Variants in ADD3 observed in about 807,000 individuals in gnomAD.
ADD3 encodes adducin 3.
In ADD3, 25 loss-of-function variants were observed where a neutral mutation model predicts 80.2. That is an observed-to-expected ratio of 0.31 (90% CI 0.23 to 0.44). The LOEUF (loss-of-function observed/expected upper bound fraction) is 0.44. ADD3 is among the 20% of genes least tolerant of loss of function. The probability of loss-of-function intolerance (pLI) is 1.00; values close to 1 mark genes in which losing one functional copy is unlikely to be tolerated. For missense variants in ADD3, 829 were observed against 847.5 expected, an observed-to-expected ratio of 0.98 and a Z score of 0.27; for synonymous variants, 284 against 289.6, an observed-to-expected ratio of 0.98 and a Z score of 0.20.
intron 1 of ADD3, among the ~76,000 whole-genome samples, chr10:110,032,207 G>C (rs1005040467): frequency 2.0e-5 from 3 of 152,208 alleles, no homozygotes; most frequent in Non-Finnish European, 4.4e-5. Context: ...AGCTGGATAA[G>C]TGTTATGTAA....
At chr10:110,100,929 C>T (rs1848744413) in intron 2 of ADD3, 81 bp downstream of exon 2, 22 of 1,329,216 alleles carry the variant, frequency 1.7e-5, no homozygotes, top group Non-Finnish European at 2.0e-5. Flanking sequence ...CTCAAACTAC[C>T]CTCAGGTTAA....
chr10:110,005,516 T>C (rs1851589742), upstream of ADD3, among the ~76,000 whole-genome samples: 1 of 152,244 alleles, frequency 6.6e-6, no homozygotes, highest in Non-Finnish European at 1.5e-5. Context: ...ATTTTTCTTT[T>C]TATTCTTATA....
Position 110,135,273 on chromosome 10 carries a change from A to G in ADD3, c.*1655A>G, listed in dbSNP as rs1590287411. 1 of 152,638 alleles carries G rather than the reference A, an allele frequency of 6.6e-6. No homozygotes were observed. The highest frequency in any genetic ancestry group is 2.4e-5 in the African/African-American group (1 of 41,442). The allele number at this position is 152,638 out of a possible 1,614,324, so 9.5% of individuals were successfully genotyped here. A position where few individuals can be genotyped will look rare whatever the true frequency, so the allele number is the denominator to read the frequency against. On this transcript the variant is annotated 3_prime_UTR_variant, in exon 15 of 15. Transcript: ENST00000356080. The stretch of plus-strand genomic sequence containing the variant: ...TTGGAAGATTTTTTTAATGTTCTAC[A>G]TCATTTATGTTGTATTACAATGTAT...
rs199567119 is a variant in ADD3, at chr10:110,117,411, G to A, written c.556G>A (p.Ala186Thr). ...PRGLSFSEAT[A>T]SNLVKVNIIG... ...AGGCCTATCTTTTTCTGAAGCTACA[G>A]CCTCCAATTTGGTATAATTTTCCAT... is the stretch of plus-strand genomic sequence containing the variant. The change falls in exon 5 of 15, where the codon GCC (alanine) becomes ACC (threonine). Residue 186 changes from alanine to threonine, a missense_variant. Coordinates refer to ENST00000356080, the MANE Select transcript of ADD3 (RefSeq NM_016824.5). 4 of 1,597,160 alleles carry A rather than the reference G, an allele frequency of 2.5e-6. No homozygotes were observed. Among genetic ancestry groups the A allele is most frequent in the Non-Finnish European group, 3.4e-6 (4 of 1,164,982 alleles).
At chr10:110,054,566 G>T (rs938164856) in intron 1 of ADD3, among the ~76,000 whole-genome samples, 4 of 150,484 alleles carry the variant, frequency 2.7e-5, no homozygotes, top group Non-Finnish European at 4.4e-5. Flanking sequence ...CTCAGCCTGC[G>T]GAGTAGCTGG....
intron 2 of ADD3, among the ~76,000 whole-genome samples, chr10:110,111,853 C>T (rs189137704): frequency 5.3e-4 from 80 of 151,522 alleles, no homozygotes; most frequent in Middle Eastern, 3.4e-3. Flanking sequence ...GCGGAGGTTG[C>T]GGTGAGTTGA....
chr10:110,014,708 G>A (rs898594287), intron 1 of ADD3, among the ~76,000 whole-genome samples: 2 of 151,522 alleles, frequency 1.3e-5, no homozygotes, highest in African/African-American at 2.4e-5. Context: ...TGTATTTTTA[G>A]TAGAGATGGG....
intron 10 of ADD3, 124 bp from the exon 11 acceptor site, chr10:110,125,702 T>TA (rs1399732858): frequency 1.7e-5 from 10 of 598,246 alleles, no homozygotes; most frequent in Non-Finnish European, 2.4e-5. Flanking sequence ...ACCACTAAGA[T>TA]ACTGCTTAGT....
intron 1 of ADD3, among the ~76,000 whole-genome samples, chr10:110,063,047 C>T (rs1482492700): frequency 5.9e-5 from 9 of 152,144 alleles, no homozygotes; most frequent in Admixed American, 3.9e-4. Context: ...TGGTTACATG[C>T]AGGTTTTTGT....
At chr10:110,036,373 G>GTT (rs1200050615) in intron 1 of ADD3, among the ~76,000 whole-genome samples, 2 of 130,984 alleles carry the variant, frequency 1.5e-5, no homozygotes, top group African/African-American at 6.3e-5. Flanking sequence ...TTTAGAAAGT[G>GTT]TCTTTTTTTT....
chr10:110,058,108 ATT>A (rs34287994), intron 1 of ADD3, among the ~76,000 whole-genome samples: 250 of 144,156 alleles, frequency 1.7e-3, no homozygotes, highest in Middle Eastern at 3.5e-3. Context: ...TCTCCTGAAG[ATT>A]TTTTTTTTTT....
chr10:110,101,951 C>A (rs896843888), intron 2 of ADD3, among the ~76,000 whole-genome samples: 6 of 152,036 alleles, frequency 3.9e-5, no homozygotes, highest in Non-Finnish European at 8.8e-5. Context: ...CTGAAGTAGC[C>A]CTGGTAAATC....
intron 2 of ADD3, chr10:110,112,122 C>CT (rs1397108989): frequency 6.6e-6 from 1 of 151,848 alleles, no homozygotes; most frequent in Non-Finnish European, 1.5e-5. Flanking sequence ...CATGGGAACT[C>CT]TGTCTTTTTT....
chr10:110,075,623 A>G (rs1489361855), intron 1 of ADD3: 3 of 152,236 alleles, frequency 2.0e-5, no homozygotes, highest in Non-Finnish European at 4.4e-5. Flanking sequence ...TGCAGCTGTG[A>G]AAGTGAAGTT....
intron 1 of ADD3, among the ~76,000 whole-genome samples, chr10:110,011,132 C>T (rs1852289358): frequency 6.7e-6 from 1 of 149,826 alleles, no homozygotes; most frequent in Admixed American, 6.6e-5. Context: ...CCCCAGGTGG[C>T]CCAGAGGGCA....
At chr10:110,003,797 G>A (rs1003970856), upstream of ADD3, among the ~76,000 whole-genome samples, 5 of 152,290 alleles carry the variant, frequency 3.3e-5, no homozygotes, top group South Asian at 4.1e-4. Context: ...AATCAGGCAC[G>A]TCTAAAGAGC....
At chr10:110,014,157 C>A (rs928123557) in intron 1 of ADD3, among the ~76,000 whole-genome samples, 1 of 152,174 alleles carries the variant, frequency 6.6e-6, no homozygotes, top group Admixed American at 6.5e-5. Flanking sequence ...GAAGTCAAGG[C>A]CTCCCCAGGG....
intron 11 of ADD3, 118 bp downstream of exon 11, chr10:110,126,063 T>C (rs1852103791): frequency 2.8e-6 from 3 of 1,060,682 alleles, no homozygotes; most frequent in Non-Finnish European, 2.7e-6. Flanking sequence ...GAATTTGGAA[T>C]TTAATTCAGT....
At chr10:110,052,892 C>G (rs188143527) in intron 1 of ADD3, among the ~76,000 whole-genome samples, 4 of 152,140 alleles carry the variant, frequency 2.6e-5, no homozygotes, top group African/African-American at 9.6e-5. Flanking sequence ...AAACATTGTT[C>G]AAATGGAGTG....
Sources: allele counts gnomAD v4.1 joint callset (sites outside exome capture counted in the v4.1 genomes callset), GRCh38; gene constraint gnomAD v4.1.1; transcripts MANE v1.5; gene names NCBI Gene and HGNC (gene_info 2026-07-23, HGNC 2026-07-21).